Variants in PSMD14 observed in about 807,000 individuals in gnomAD.
The protein encoded by PSMD14 is proteasome 26S subunit, non-ATPase 14.
In PSMD14, 7 loss-of-function variants were observed where a neutral mutation model predicts 41.2. That is an observed-to-expected ratio of 0.17 (90% CI 0.10 to 0.32). The LOEUF (loss-of-function observed/expected upper bound fraction) is 0.32, where lower values mean the gene tolerates loss of function less well. Ranked by LOEUF, PSMD14 falls within the 10% of genes least tolerant of loss-of-function variation. The probability of loss-of-function intolerance (pLI) is 1.00; values close to 1 mark genes in which losing one functional copy is unlikely to be tolerated. For synonymous variants in PSMD14, 114 were observed against 122.3 expected (o/e 0.93, Z 0.45); for missense variants, 139 against 375.6 (o/e 0.37, Z 5.21).
chr2:161,393,903 G>T (rs1419318161), intron 9 of PSMD14, among the ~76,000 whole-genome samples: 1 of 151,138 alleles, frequency 6.6e-6, no homozygotes, highest in African/African-American at 2.4e-5. Flanking sequence ...TTGAACTAAG[G>T]TGTTTAGTTT....
chr2:161,368,470 C>T (rs138061422), intron 5 of PSMD14, among the ~76,000 whole-genome samples: 8 of 152,162 alleles, frequency 5.3e-5, no homozygotes, highest in Admixed American at 3.3e-4. Flanking sequence ...TACAAATTAC[C>T]TGTATAGAAT....
At chr2:161,409,650 A>G (rs1683998620) in intron 11 of PSMD14, 1 of 152,112 alleles carries the variant, frequency 6.6e-6, no homozygotes, top group Non-Finnish European at 1.5e-5. Flanking sequence ...ATCTCTAAGA[A>G]TCACCCAGCT....
At chr2:161,360,436 A>C (rs1336004896) in intron 3 of PSMD14, among the ~76,000 whole-genome samples, 1 of 150,762 alleles carries the variant, frequency 6.6e-6, no homozygotes, top group Non-Finnish European at 1.5e-5. Flanking sequence ...GCTCACTGCA[A>C]CCTCCACATC....
At chr2:161,379,433 A>C (rs375972989) in intron 7 of PSMD14, among the ~76,000 whole-genome samples, 1 of 152,042 alleles carries the variant, frequency 6.6e-6, no homozygotes, top group Admixed American at 6.6e-5. Context: ...CCTTCAGTAC[A>C]ACTATACACT....
At chr2:161,356,503 G>A (rs991856836) in intron 3 of PSMD14, among the ~76,000 whole-genome samples, 1 of 151,906 alleles carries the variant, frequency 6.6e-6, no homozygotes, top group African/African-American at 2.4e-5. Context: ...TTGATTTTAT[G>A]ATAAAATTTG....
At chr2:161,388,441 A>G (rs1352596969) in intron 8 of PSMD14, among the ~76,000 whole-genome samples, 1 of 152,086 alleles carries the variant, frequency 6.6e-6, no homozygotes, top group Non-Finnish European at 1.5e-5. Context: ...TTATATTATC[A>G]TTGGAAATTT....
intron 7 of PSMD14, chr2:161,383,229 T>C (rs572994590): frequency 1.1e-4 from 17 of 152,210 alleles, no homozygotes; most frequent in Non-Finnish European, 1.9e-4. Context: ...TATTGCCATG[T>C]TTATATTTTA....
At chr2:161,379,560 T>G (rs768954382) in intron 7 of PSMD14, among the ~76,000 whole-genome samples, 6 of 152,026 alleles carry the variant, frequency 3.9e-5, no homozygotes, top group Admixed American at 2.0e-4. Flanking sequence ...TATAACTTGA[T>G]TTTTAGGGTA....
At chr2:161,317,511 A>G (rs1015237510) in intron 2 of PSMD14, among the ~76,000 whole-genome samples, 1 of 152,134 alleles carries the variant, frequency 6.6e-6, no homozygotes, top group African/African-American at 2.4e-5. Context: ...AGGTGCCAAT[A>G]ATGTTCTGTT....
At chr2:161,386,013 C>T (rs1462719866) in intron 8 of PSMD14, among the ~76,000 whole-genome samples, 1 of 151,664 alleles carries the variant, frequency 6.6e-6, no homozygotes, top group Non-Finnish European at 1.5e-5. Flanking sequence ...AAATTTTCTT[C>T]TTTAAAAAAC....
chr2:161,378,548 G>A (rs568464209), intron 7 of PSMD14, among the ~76,000 whole-genome samples: 3 of 151,540 alleles, frequency 2.0e-5, no homozygotes, highest in Non-Finnish European at 1.5e-5. Flanking sequence ...TGTATTTTGT[G>A]TGCCACTTAC....
At chr2:161,330,154 A>G (rs1682763781) in intron 3 of PSMD14, among the ~76,000 whole-genome samples, 1 of 152,240 alleles carries the variant, frequency 6.6e-6, no homozygotes, top group Non-Finnish European at 1.5e-5. Flanking sequence ...TTTCAGTTAC[A>G]GTGAAACTGT....
At chr2:161,397,903 C>T (rs529740461) in intron 10 of PSMD14, among the ~76,000 whole-genome samples, 1 of 152,074 alleles carries the variant, frequency 6.6e-6, no homozygotes, top group South Asian at 2.1e-4. Context: ...AATCGCTCAC[C>T]GTATTTTAAA....
intron 1 of PSMD14, among the ~76,000 whole-genome samples, chr2:161,314,186 C>T (rs1689123155): frequency 1.3e-5 from 2 of 152,166 alleles, no homozygotes; most frequent in African/African-American, 4.8e-5. Flanking sequence ...TTTGTGTACA[C>T]TTTAGCATTT....
At chr2:161,399,070 C>T (rs904914596) in intron 10 of PSMD14, among the ~76,000 whole-genome samples, 3 of 151,994 alleles carry the variant, frequency 2.0e-5, no homozygotes, top group African/African-American at 7.2e-5. Context: ...ACAGTACCAT[C>T]TAAAATTATA....
intron 3 of PSMD14, among the ~76,000 whole-genome samples, chr2:161,347,792 G>A (rs571334281): frequency 1.6e-4 from 24 of 152,152 alleles, no homozygotes; most frequent in Non-Finnish European, 3.2e-4. Context: ...ACTGTGTGCC[G>A]GGTACTCTTC....
chr2:161,309,287 CA>C (rs1385895763), intron 1 of PSMD14, among the ~76,000 whole-genome samples: 13 of 151,770 alleles, frequency 8.6e-5, no homozygotes, highest in Admixed American at 2.0e-4. Flanking sequence ...CTGTGTCTGT[CA>C]AAAGAAAAAG....
At chr2:161,384,689 T>C (rs544870312) in intron 7 of PSMD14, 1 of 151,918 alleles carries the variant, frequency 6.6e-6, no homozygotes, top group South Asian at 2.1e-4. Flanking sequence ...TTAGCAAGTA[T>C]GTGATTCTTG....
chr2:161,312,072 G>A (rs967007622), intron 1 of PSMD14, among the ~76,000 whole-genome samples: 1 of 151,974 alleles, frequency 6.6e-6, no homozygotes, highest in Non-Finnish European at 1.5e-5. Flanking sequence ...TAAGAAAACA[G>A]AGGAATTAGA....
Sources: gnomAD v4.1 joint callset for allele counts (sites outside exome capture counted in the v4.1 genomes callset) on GRCh38, gnomAD v4.1.1 for gene constraint, MANE v1.5 for transcripts, NCBI Gene and HGNC (gene_info 2026-07-23, HGNC 2026-07-21) for gene names.